ADD2: variants seen among roughly 807,000 people sequenced by gnomAD.
ADD2 encodes beta-adducin.
In ADD2, 23 loss-of-function variants were observed where a neutral mutation model predicts 83.0. The observed-to-expected ratio is 0.28, with a 90% CI of 0.20 to 0.39. The LOEUF (loss-of-function observed/expected upper bound fraction) is 0.39, where lower values mean the gene tolerates loss of function less well. ADD2 is among the 10% of genes least tolerant of loss of function. The pLI is 1.00. For missense variants in ADD2, 758 were observed against 944.9 expected (o/e 0.80, Z 2.59); for synonymous variants, 375 against 375.4 (o/e 1.00, Z 0.01).
chr2:70,724,704 G>A (rs183118901), intron 1 of ADD2, among the ~76,000 whole-genome samples: 32 of 152,320 alleles, frequency 2.1e-4, no homozygotes, highest in Middle Eastern at 3.4e-3. Context: ...TGCTGGCCAC[G>A]GCTGTGCTTG....
chr2:70,722,418 T>C (rs1379350520), intron 1 of ADD2, among the ~76,000 whole-genome samples: 1 of 152,212 alleles, frequency 6.6e-6, no homozygotes, highest in Admixed American at 6.5e-5. Context: ...TTAGAATCAA[T>C]GAAGTAAGGA....
intron 1 of ADD2, among the ~76,000 whole-genome samples, chr2:70,761,690 G>A (rs1252472773): frequency 2.4e-5 from 3 of 125,350 alleles, no homozygotes; most frequent in Admixed American, 8.1e-5. Context: ...TTTTTTTTTT[G>A]AGACAGAGTA....
chr2:70,715,381 C>T (rs1041607206), intron 1 of ADD2, among the ~76,000 whole-genome samples: 8 of 152,206 alleles, frequency 5.3e-5, no homozygotes, highest in Non-Finnish European at 7.3e-5. Flanking sequence ...CTAGCACATG[C>T]GTTGAGAACC....
At chr2:70,680,977 T>C (rs1214141154) in intron 10 of ADD2, among the ~76,000 whole-genome samples, 2 of 152,192 alleles carry the variant, frequency 1.3e-5, no homozygotes, top group Non-Finnish European at 2.9e-5. Context: ...TAAATGACGA[T>C]AGCCCTTCCC....
chr2:70,722,105 T>G (rs1672755910), intron 1 of ADD2, among the ~76,000 whole-genome samples: 1 of 152,206 alleles, frequency 6.6e-6, no homozygotes, highest in African/African-American at 2.4e-5. Context: ...CTTAAAGGAA[T>G]GGCATGGGAG....
chr2:70,704,595 G>A, intron 3 of ADD2, 136 bp from the exon 4 acceptor site: 1 of 960,192 alleles, frequency 1.0e-6, no homozygotes, highest in Non-Finnish European at 1.5e-6. Context: ...AGCTACAGGG[G>A]ACACTGAGCA....
At chr2:70,684,321 CACTGCAGCCTTA>C (rs781795869) in intron 9 of ADD2, among the ~76,000 whole-genome samples, 2 of 152,162 alleles carry the variant, frequency 1.3e-5, no homozygotes, top group Non-Finnish European at 2.9e-5. Flanking sequence ...AATCTCGGAT[CACTGCAGCCTTA>C]ACCTCCCAGG....
chr2:70,673,038 G>A (rs782249649), intron 14 of ADD2, 32 bp from the exon 15 acceptor site: 249 of 1,599,386 alleles, frequency 1.6e-4, no homozygotes, highest in Non-Finnish European at 1.9e-4. Flanking sequence ...TCAGGATAGA[G>A]GTCAAATAGA....
chr2:70,730,598 T>C (rs1358414181), intron 1 of ADD2, among the ~76,000 whole-genome samples: 3 of 152,250 alleles, frequency 2.0e-5, no homozygotes, highest in Non-Finnish European at 4.4e-5. Flanking sequence ...TACTCCTCTT[T>C]GCCTGAAGTT....
rs190525930 is a variant in ADD2 at position 70,763,549 on chromosome 2, G to A, written c.-154+4337C>T. Among the ~76,000 whole-genome samples the A allele has an allele frequency of 1.8e-3, 268 of 151,978 alleles. 1 individual carries two copies. Among genetic ancestry groups the A allele is most frequent in the Middle Eastern group, 3.4e-3 (1 of 294 alleles). ...TTTTATTAAAATGTAACTTAAATATGTATACTCATAAATACCAGTTCTAAA... is the reference window on the plus strand; with the variant it reads ...TTTTATTAAAATGTAACTTAAATATATATACTCATAAATACCAGTTCTAAA... On this transcript the variant is annotated intron_variant, in intron 1 of 15. Coordinates refer to ENST00000264436, the MANE Select transcript of ADD2 (RefSeq NM_001617.4).
At chr2:70,678,014 T>G in intron 11 of ADD2, 137 bp from the exon 12 acceptor site, 1 of 1,171,942 alleles carries the variant, frequency 8.5e-7, no homozygotes, top group Non-Finnish European at 1.2e-6. Context: ...TCTCTCTTCT[T>G]AGGCCTCTTT....
At chr2:70,704,263 T>TGCCCCCCCCCCCCCCCCCCCCCCCACCC in intron 4 of ADD2, 58 bp downstream of exon 4, 4 of 913,234 alleles carry the variant, frequency 4.4e-6, no homozygotes, top group African/African-American at 1.7e-5. Flanking sequence ...CTCCCTCTCT[T>TGCCCCCCCCCCCCCCCCCCCCCCCACCC]CCCCACCCCA....
intron 4 of ADD2, among the ~76,000 whole-genome samples, chr2:70,702,711 A>G (rs1671658275): frequency 6.6e-6 from 1 of 152,054 alleles, no homozygotes; most frequent in South Asian, 2.1e-4. Flanking sequence ...GAAAAAAAAA[A>G]AGCAATATAT....
In ADD2 at chr2:70,661,527, T is replaced by A. The variant is rs374820230; in HGVS notation, c.*1898A>T. The A allele has an allele frequency of 6.6e-5, 10 of 152,114 alleles. No individual in the cohort carries two copies. The highest frequency in any genetic ancestry group is 5.8e-4 in the East Asian group (3 of 5,192). 9.4% of individuals were successfully genotyped at this position (152,114 alleles called of 1,614,324 possible). On this transcript the variant is annotated 3_prime_UTR_variant, in exon 16 of 16. Transcript: ENST00000264436. ...GAATCTGCACTAGAGAGACACAGTG[T>A]CAGGTTTACCTTGGTCCTAGGTCAG...
chr2:70,746,429 T>C (rs1553381989), intron 1 of ADD2, among the ~76,000 whole-genome samples: 1 of 152,244 alleles, frequency 6.6e-6, no homozygotes, highest in African/African-American at 2.4e-5. Context: ...CTAATACTTA[T>C]GGAACATTCA....
chr2:70,674,971 T>TG (rs1156669729), intron 13 of ADD2, 146 bp from the exon 14 acceptor site: 28 of 1,368,742 alleles, frequency 2.0e-5, no homozygotes, highest in Non-Finnish European at 2.7e-5. Context: ...CTCAGGGCCT[T>TG]GGGGTAGGGA....
intron 4 of ADD2, among the ~76,000 whole-genome samples, chr2:70,703,756 A>T (rs781890954): frequency 2.6e-5 from 4 of 152,206 alleles, no homozygotes; most frequent in Non-Finnish European, 4.4e-5. Context: ...GTTAAGAAAA[A>T]AAGGACTGGA....
At chr2:70,707,300 A>G (rs1232972222) in intron 2 of ADD2, among the ~76,000 whole-genome samples, 1 of 152,238 alleles carries the variant, frequency 6.6e-6, no homozygotes, top group African/African-American at 2.4e-5. Flanking sequence ...TTGAGAAACA[A>G]CAACTAAATA....
chr2:70,680,308 G>A (rs782157898), intron 10 of ADD2, among the ~76,000 whole-genome samples: 2 of 152,102 alleles, frequency 1.3e-5, no homozygotes, highest in Non-Finnish European at 2.9e-5. Flanking sequence ...GATTTATAAA[G>A]TGCCTGCTTT....
Sources: allele counts gnomAD v4.1 joint callset (sites outside exome capture counted in the v4.1 genomes callset), GRCh38; gene constraint gnomAD v4.1.1; transcripts MANE v1.5; gene names NCBI Gene and HGNC (gene_info 2026-07-23, HGNC 2026-07-21).